Variants in RBPMS observed in about 807,000 individuals in gnomAD.
The protein encoded by RBPMS is RNA binding protein, mRNA processing factor.
A neutral mutation model predicts 26.8 loss-of-function variants in RBPMS; 7 were observed. The ratio of observed to expected loss-of-function variants is 0.26; its 90% CI spans 0.15 to 0.49. RBPMS has a LOEUF of 0.49. Among genes scored for constraint, RBPMS ranks in the 20% least tolerant of loss-of-function variants. The pLI is 0.98. For synonymous variants in RBPMS, 96 were observed against 93.3 expected, an observed-to-expected ratio of 1.03 and a Z score of -0.17; for missense variants, 186 against 250.0, an observed-to-expected ratio of 0.74 and a Z score of 1.73.
chr8:30,504,395 C>G lies in RBPMS; in HGVS notation c.356C>G (p.Pro119Arg). Residue 119 changes from proline (P) to arginine (R), a missense_variant, in exon 5 of 9, where the codon CCT becomes CGT. Pro to Arg is a moderately radical substitution (Grantham distance 103, BLOSUM62 -2). This residue lies in a region of RBPMS where 98 missense variants were observed against 113.6 expected (regional missense o/e 0.86). Coordinates refer to ENST00000397323, the MANE Select transcript of RBPMS (RefSeq NM_001008710.3). The part of the protein sequence containing the change: ...KLVGTPNPST[P>R]LPNTVPQFIA... The stretch of plus-strand genomic sequence containing the variant: ...GTAGGGACTCCAAACCCCAGTACTC[C>G]TCTGCCCAACACTGTACCTCAGTTC... 6.2e-7 allele frequency: 1 copy of G among 1,614,206 alleles called. No individual in the cohort carries two copies. Among genetic ancestry groups the G allele is most frequent in the Non-Finnish European group, 8.5e-7 (1 of 1,180,006 alleles).
intron 1 of RBPMS, among the ~76,000 whole-genome samples, chr8:30,416,883 T>A (rs1414054688): frequency 6.6e-6 from 1 of 152,038 alleles, no homozygotes; most frequent in Non-Finnish European, 1.5e-5. Context: ...AAGTCTCCTG[T>A]CTCAGCCTCC....
intron 1 of RBPMS, among the ~76,000 whole-genome samples, chr8:30,389,378 G>T (rs1355807840): frequency 6.6e-6 from 1 of 152,152 alleles, no homozygotes; most frequent in Non-Finnish European, 1.5e-5. Context: ...AGTTTGGAAG[G>T]GGTGGAAGTT....
Position 30,409,838 on chromosome 8 carries a change from G to A in RBPMS, c.66+24680G>A, listed in dbSNP as rs1003381140. On this transcript the variant is annotated intron_variant, in intron 1 of 8. Transcript: ENST00000397323. ...AGTAGAGACGGGGTTTCACCACGTT[G>A]GCCAGGCTGGTCTCGATCTCCTGAC... Among the ~76,000 whole-genome samples, 12 of 151,578 alleles carry A rather than the reference G, an allele frequency of 7.9e-5. No homozygotes were observed. In the South Asian group the frequency reaches 8.4e-4, roughly 11 times the overall value.
intron 4 of RBPMS, among the ~76,000 whole-genome samples, chr8:30,486,632 CAAAAAAAAA>C (rs915982477): frequency 2.6e-5 from 3 of 114,138 alleles, no homozygotes; most frequent in Admixed American, 1.7e-4. Context: ...GACTCTCTCT[CAAAAAAAAA>C]TAAAAAAATA....
chr8:30,430,739 TG>T (rs1811840122), intron 1 of RBPMS, among the ~76,000 whole-genome samples: 1 of 152,226 alleles, frequency 6.6e-6, no homozygotes, highest in African/African-American at 2.4e-5. Flanking sequence ...CCATATTTAG[TG>T]GTTTCTCCTA....
intron 2 of RBPMS, among the ~76,000 whole-genome samples, chr8:30,475,799 T>C (rs1817624814): frequency 6.6e-6 from 1 of 152,208 alleles, no homozygotes; most frequent in East Asian, 1.9e-4. Context: ...CTAGCTTATG[T>C]GCCAAGAGGG....
intron 6 of RBPMS, chr8:30,545,076 G>A: frequency 7.3e-7 from 1 of 1,373,340 alleles, no homozygotes; most frequent in African/African-American, 1.5e-5. Context: ...AAGAATCTCT[G>A]ACCAAAGGGA....
At chr8:30,540,542 T>C (rs1825274708) in intron 5 of RBPMS, among the ~76,000 whole-genome samples, 2 of 152,096 alleles carry the variant, frequency 1.3e-5, no homozygotes, top group Non-Finnish European at 2.9e-5. Context: ...CCTCCCACCT[T>C]AGCCTCCCGA....
At chr8:30,501,255 AC>A (rs1440214653) in intron 4 of RBPMS, among the ~76,000 whole-genome samples, 3 of 142,678 alleles carry the variant, frequency 2.1e-5, no homozygotes, top group African/African-American at 7.7e-5. Flanking sequence ...TTGTTCAGCC[AC>A]CCCACCCCTG....
At chr8:30,386,685 A>G (rs1250609940) in intron 1 of RBPMS, among the ~76,000 whole-genome samples, 1 of 152,186 alleles carries the variant, frequency 6.6e-6, no homozygotes, top group East Asian at 1.9e-4. Context: ...TTTAAAAATA[A>G]TGACAAGTGT....
At chr8:30,524,391 A>C (rs1472915773) in intron 5 of RBPMS, among the ~76,000 whole-genome samples, 1 of 152,158 alleles carries the variant, frequency 6.6e-6, no homozygotes, top group African/African-American at 2.4e-5. Flanking sequence ...CAGAATATCC[A>C]AATTTTTATT....
At chr8:30,537,224 G>A (rs146417263) in intron 5 of RBPMS, among the ~76,000 whole-genome samples, 150 of 152,282 alleles carry the variant, frequency 9.9e-4, no homozygotes, top group African/African-American at 3.5e-3. Flanking sequence ...GGATTGCATC[G>A]CATGATTTCT....
chr8:30,493,004 C>T (rs1819557600), intron 4 of RBPMS, among the ~76,000 whole-genome samples: 1 of 152,124 alleles, frequency 6.6e-6, no homozygotes, highest in Non-Finnish European at 1.5e-5. Flanking sequence ...TGATGTGACA[C>T]CCATAAGGCT....
chr8:30,542,069 G>A (rs756727589), intron 5 of RBPMS, among the ~76,000 whole-genome samples: 8 of 152,118 alleles, frequency 5.3e-5, no homozygotes, highest in Non-Finnish European at 1.0e-4. Context: ...GAAGGGAGAC[G>A]GAGATGATAA....
intron 1 of RBPMS, among the ~76,000 whole-genome samples, chr8:30,469,240 T>C (rs771519136): frequency 7.2e-5 from 11 of 152,236 alleles, no homozygotes; most frequent in Non-Finnish European, 1.3e-4. Context: ...AAGGCCTGCT[T>C]TTGGCCTTTC....
intron 1 of RBPMS, among the ~76,000 whole-genome samples, chr8:30,430,781 A>C (rs1440733293): frequency 6.6e-6 from 1 of 152,192 alleles, no homozygotes; most frequent in African/African-American, 2.4e-5. Flanking sequence ...ATGTTCATTT[A>C]CTTAGAAATG....
intron 5 of RBPMS, among the ~76,000 whole-genome samples, chr8:30,539,280 C>CT (rs1825131271): frequency 6.6e-6 from 1 of 152,178 alleles, no homozygotes; most frequent in Non-Finnish European, 1.5e-5. Context: ...GTTGAGTATG[C>CT]TAAAAGCCAG....
intron 1 of RBPMS, among the ~76,000 whole-genome samples, chr8:30,418,031 T>G (rs1204393628): frequency 6.6e-6 from 1 of 152,270 alleles, no homozygotes; most frequent in Admixed American, 6.5e-5. Flanking sequence ...TATGTGCTGT[T>G]TAAAAATCTT....
chr8:30,564,036 T>G (rs1214264947), intron 7 of RBPMS: 2 of 152,262 alleles, frequency 1.3e-5, no homozygotes, highest in South Asian at 4.1e-4. Flanking sequence ...CATAATAGTT[T>G]GGGTGGTGAT....
Sources: allele counts gnomAD v4.1 joint callset (sites outside exome capture counted in the v4.1 genomes callset), GRCh38; gene constraint gnomAD v4.1.1; regional missense constraint gnomAD v4.1.1; transcripts MANE v1.5; gene names NCBI Gene and HGNC (gene_info 2026-07-23, HGNC 2026-07-21).